Variants in BRAF observed in about 807,000 individuals in gnomAD.
BRAF encodes B-Raf proto-oncogene, serine/threonine kinase.
Under a neutral mutation model 104.6 loss-of-function variants are expected in BRAF, and 16 were observed. The ratio of observed to expected loss-of-function variants is 0.15; its 90% CI spans 0.10 to 0.23. The LOEUF (loss-of-function observed/expected upper bound fraction) is 0.23. Ranked by LOEUF, BRAF falls within the 10% of genes least tolerant of loss-of-function variation. BRAF has a pLI of 1.00. For missense variants in BRAF, 541 were observed against 937.3 expected (o/e 0.58, Z 5.52); for synonymous variants, 310 against 341.6 (o/e 0.91, Z 1.02).
chr7:140,722,479 A>G lies in BRAF; in HGVS notation c.*4015T>C. ...TGTCAAGGTATTTTTCTAGAGCCTC[A>G]CCTACACCATTTCAACTCATGACCT... is the stretch of plus-strand genomic sequence containing the variant. On this transcript the variant is annotated 3_prime_UTR_variant, in exon 20 of 20. Transcript: ENST00000644969. 9.5e-7 allele frequency: 1 copy of G among 1,055,674 alleles called. No individual in the cohort carries two copies. Among genetic ancestry groups the G allele is most frequent in the Non-Finnish European group, 1.1e-6 (1 of 873,260 alleles). The allele number at this position is 1,055,674 out of a possible 1,614,324, so 65.4% of individuals were successfully genotyped here.
At chr7:140,805,702 A>T (rs1803591789) in intron 5 of BRAF, among the ~76,000 whole-genome samples, 1 of 152,166 alleles carries the variant, frequency 6.6e-6, no homozygotes. Context: ...GTTTGGATAT[A>T]AAAGTTTCAA....
intron 1 of BRAF, among the ~76,000 whole-genome samples, chr7:140,902,327 G>C (rs1456650140): frequency 1.3e-5 from 2 of 152,166 alleles, no homozygotes; most frequent in African/African-American, 4.8e-5. Context: ...AACTTCTTCA[G>C]TAAATGTTGT....
intron 3 of BRAF, among the ~76,000 whole-genome samples, chr7:140,825,305 T>C (rs1242670269): frequency 1.3e-5 from 2 of 152,190 alleles, no homozygotes; most frequent in Non-Finnish European, 2.9e-5. Context: ...GAGTTCTTTA[T>C]ATATTCTACA....
Position 140,754,219 on chromosome 7 carries a change from T to C in BRAF, c.1829A>G (p.Lys610Arg). 6.2e-7 allele frequency: 1 copy of C among 1,613,842 alleles called. No individual in the cohort carries two copies. The highest frequency in any genetic ancestry group is 8.5e-7 in the Non-Finnish European group (1 of 1,179,756). ...TAQGMDYLHA[K>R]SIIHRDLKSN... ...CTTGAGGTCTCTGTGGATGATTGAC[T>C]TGGCGTGTAAGTAACTGAAAAACAA... Residue 610 changes from lysine to arginine, a missense_variant, in exon 15 of 20, where the codon AAG becomes AGG. Physicochemically the swap from Lys to Arg is conservative, Grantham distance 26. Around this residue, in one of 10 missense-constraint regions of BRAF, gnomAD observed 129 missense variants for 285.8 expected, o/e 0.45. Coordinates refer to ENST00000644969, the MANE Select transcript of BRAF (RefSeq NM_001374258.1).
intron 1 of BRAF, among the ~76,000 whole-genome samples, chr7:140,873,262 C>T (rs1297232605): frequency 6.6e-6 from 1 of 151,462 alleles, no homozygotes; most frequent in Non-Finnish European, 1.5e-5. Context: ...CCTCTGCCTC[C>T]CAGATTCAAG....
intron 4 of BRAF, chr7:140,808,377 A>AAAG: frequency 2.3e-6 from 1 of 434,894 alleles, no homozygotes; most frequent in Non-Finnish European, 4.3e-6. Context: ...AAAAAAAAAA[A>AAAG]TCACAGGTAC....
chr7:140,808,453 A>ATTT, intron 4 of BRAF: 1 of 284,452 alleles, frequency 3.5e-6, no homozygotes, highest in South Asian at 3.4e-5. Context: ...CCCCAAAATA[A>ATTT]TTTTTTTTTT....
At chr7:140,804,846 C>T (rs1803499333) in intron 5 of BRAF, among the ~76,000 whole-genome samples, 1 of 151,728 alleles carries the variant, frequency 6.6e-6, no homozygotes. Flanking sequence ...TGCTCTGTTG[C>T]CCAGGCTGGA....
chr7:140,818,748 AT>A lies in BRAF; in HGVS notation c.505-9754del, dbSNP rs572308827. On this transcript the variant is annotated intron_variant, in intron 3 of 19. Coordinates refer to ENST00000644969, the MANE Select transcript of BRAF (RefSeq NM_001374258.1). Reference sequence around the variant, plus strand: ...ATCTTTACAATACTATATACAACTTATTAAGTATGGTTTTCATTTAGTGATG... The same window carrying A: ...ATCTTTACAATACTATATACAACTTATAAGTATGGTTTTCATTTAGTGATG... Among the ~76,000 whole-genome samples, 16 of 152,356 alleles carry A rather than the reference AT, an allele frequency of 1.1e-4. No individual in the cohort carries two copies. In the South Asian group the frequency reaches 1.4e-3, roughly 14 times the overall value.
intron 18 of BRAF, among the ~76,000 whole-genome samples, chr7:140,738,081 C>G (rs1796588678): frequency 6.6e-6 from 1 of 152,152 alleles, no homozygotes; most frequent in African/African-American, 2.4e-5. Flanking sequence ...CAGCACTTGT[C>G]TCTCACCAGG....
At chr7:140,859,299 T>C (rs993824600) in intron 1 of BRAF, among the ~76,000 whole-genome samples, 3 of 152,028 alleles carry the variant, frequency 2.0e-5, no homozygotes, top group Non-Finnish European at 4.4e-5. Flanking sequence ...AGCCACAGAG[T>C]ACTGATGGCT....
At chr7:140,856,680 G>T (rs1293190846) in intron 1 of BRAF, among the ~76,000 whole-genome samples, 1 of 152,104 alleles carries the variant, frequency 6.6e-6, no homozygotes, top group Non-Finnish European at 1.5e-5. Context: ...AGAGATAAAT[G>T]AATGGAAAAT....
chr7:140,899,520 G>A (rs1815358663), intron 1 of BRAF, among the ~76,000 whole-genome samples: 1 of 152,038 alleles, frequency 6.6e-6, no homozygotes, highest in Non-Finnish European at 1.5e-5. Context: ...AATATTGTCA[G>A]ATTTTTTCAT....
intron 17 of BRAF, among the ~76,000 whole-genome samples, chr7:140,743,737 C>T (rs578073232): frequency 2.0e-4 from 30 of 151,894 alleles, no homozygotes; most frequent in African/African-American, 7.2e-4. Context: ...AAAGGCACAC[C>T]TTTTACCCAT....
chr7:140,825,201 C>A (rs1330964113), intron 3 of BRAF, among the ~76,000 whole-genome samples: 1 of 151,980 alleles, frequency 6.6e-6, no homozygotes, highest in African/African-American at 2.4e-5. Context: ...AACTCCCGAC[C>A]TCATGATCCA....
At chr7:140,893,215 G>T (rs187521186) in intron 1 of BRAF, among the ~76,000 whole-genome samples, 8 of 151,950 alleles carry the variant, frequency 5.3e-5, no homozygotes, top group African/African-American at 1.9e-4. Context: ...AGTTATGCCT[G>T]CTTAGGCTTA....
intron 12 of BRAF, among the ~76,000 whole-genome samples, chr7:140,778,346 G>A (rs1800527763): frequency 6.6e-6 from 1 of 151,986 alleles, no homozygotes; most frequent in Admixed American, 6.6e-5. Flanking sequence ...AATCAATTAA[G>A]TACCCATGGT....
chr7:140,717,283 G>GA (rs555042010), downstream of BRAF, among the ~76,000 whole-genome samples: 464 of 148,796 alleles, frequency 3.1e-3, 3 homozygotes, highest in Middle Eastern at 0.018. Flanking sequence ...AGTTGGACCA[G>GA]TTTTTTTTTT....
At chr7:140,771,724 G>C (rs1428206810) in intron 14 of BRAF, among the ~76,000 whole-genome samples, 1 of 149,832 alleles carries the variant, frequency 6.7e-6, no homozygotes, top group Non-Finnish European at 1.5e-5. Flanking sequence ...TTATTGTCTA[G>C]CTATAGACTA....
Sources: allele counts gnomAD v4.1 joint callset (sites outside exome capture counted in the v4.1 genomes callset), GRCh38; gene constraint gnomAD v4.1.1; regional missense constraint gnomAD v4.1.1; transcripts MANE v1.5; gene names NCBI Gene and HGNC (gene_info 2026-07-23, HGNC 2026-07-21).